The following DST variants were observed in gnomAD, a reference collection of about 807,000 sequenced individuals.
The protein encoded by DST is bullous pemphigoid antigen.
DST carries 253 observed loss-of-function variants against 875.2 expected under a neutral mutation model. The observed-to-expected ratio is 0.29, with a 90% CI of 0.26 to 0.32. DST has a LOEUF of 0.32. Among genes scored for constraint, DST ranks in the 10% least tolerant of loss-of-function variants. The pLI is 1.00. For synonymous variants in DST, 3,124 were observed against 3,197.1 expected (o/e 0.98, Z 0.77); for missense variants, 8,287 against 9,111.6 (o/e 0.91, Z 3.68).
chr6:56,807,927 AT>A (rs2099755109), intron 4 of DST, among the ~76,000 whole-genome samples: 1 of 152,176 alleles, frequency 6.6e-6, no homozygotes, highest in Admixed American at 6.5e-5. Context: ...CATAATTCCT[AT>A]TACTTCCAAT....
Position 56,592,307 on chromosome 6 carries a change from A to G in DST, c.12778T>C (p.Tyr4260His), listed in dbSNP as rs755791712. 7.5e-6 allele frequency: 12 copies of G among 1,608,994 alleles called. 1 individual carries two copies. The South Asian group carries it at 1.1e-4, about 15-fold the overall frequency. The part of the protein sequence containing the change: ...LKDLVDKYQH[Y>H]EDASCGLLAG... Reference sequence around the variant, plus strand: ...AGAAGTCCACATGAAGCATCTTCATAGTGTTGATATTTATCCACCAGATCT... The same window carrying G: ...AGAAGTCCACATGAAGCATCTTCATGGTGTTGATATTTATCCACCAGATCT... Residue 4260 changes from tyrosine to histidine, a missense_variant, in exon 49 of 104, where the codon TAT becomes CAT. Physicochemically the swap from Tyr to His is moderately conservative, Grantham distance 83. Around this residue, in one of 10 missense-constraint regions of DST, gnomAD observed 1,513 missense variants for 1,677.8 expected, o/e 0.90. Coordinates refer to ENST00000680361, the MANE Select transcript of DST (RefSeq NM_001374736.1).
intron 9 of DST, among the ~76,000 whole-genome samples, chr6:56,673,443 C>G (rs746979641): frequency 1.2e-4 from 18 of 152,066 alleles, no homozygotes; most frequent in Non-Finnish European, 2.1e-4. Context: ...GGACTGTTTT[C>G]TGCTAATTCC....
chr6:56,609,452 A>T (rs1044441480), intron 39 of DST, 108 bp from the exon 40 acceptor site: 1 of 796,990 alleles, frequency 1.3e-6, no homozygotes, highest in African/African-American at 1.7e-5. Context: ...CAACATAAAA[A>T]TCCTCTACTT....
At chr6:56,504,144 A>C (rs780723506) in intron 77 of DST, 46 bp from the exon 78 acceptor site, 1 of 1,270,820 alleles carries the variant, frequency 7.9e-7, no homozygotes, top group African/African-American at 1.5e-5. Flanking sequence ...GTACATTTGA[A>C]ATTGCTACAG....
chr6:56,482,204 C>T (rs756048026), intron 89 of DST, 26 bp from the exon 90 acceptor site: 2 of 1,589,430 alleles, frequency 1.3e-6, no homozygotes, highest in Middle Eastern at 1.7e-4. Flanking sequence ...CACACACACC[C>T]CAAACAAAAT....
At chr6:56,461,192 ACT>A (rs1198205739) in intron 102 of DST, 1 of 151,380 alleles carries the variant, frequency 6.6e-6, no homozygotes, top group African/African-American at 2.5e-5. Flanking sequence ...TACATGAGTT[ACT>A]CTTATTAATA....
intron 90 of DST, among the ~76,000 whole-genome samples, chr6:56,479,289 G>A (rs1424045985): frequency 6.6e-6 from 1 of 152,166 alleles, no homozygotes; most frequent in African/African-American, 2.4e-5. Flanking sequence ...AAATGATGTG[G>A]ATGCTGAGAA....
chr6:56,481,729 A>T (rs957701830), intron 90 of DST, among the ~76,000 whole-genome samples: 5 of 152,240 alleles, frequency 3.3e-5, no homozygotes, highest in African/African-American at 1.2e-4. Flanking sequence ...AATCCACATG[A>T]TAACTGCAAC....
In DST at chr6:56,619,610, GATTCTA is replaced by G. The variant is rs2098667270; in HGVS notation, c.4929+4914_4929+4919del. On this transcript the variant is annotated intron_variant, in intron 36 of 103. Transcript: ENST00000680361. ...TAGTTTCCCTTTTTCATGATTAAGA[GATTCTA>G]ATTCTAACTGATAATTGCGCTTTAT... 1.9e-6 allele frequency: 3 copies of G among 1,613,782 alleles called. No homozygotes were observed. In the African/African-American group the frequency reaches 4.0e-5, roughly 22 times the overall value.
intron 61 of DST, among the ~76,000 whole-genome samples, chr6:56,543,381 A>C (rs1375674477): frequency 1.3e-5 from 2 of 152,198 alleles, no homozygotes; most frequent in African/African-American, 4.8e-5. Context: ...AGGGGCTCTC[A>C]GCACTGCTGA....
chr6:56,848,520 A>G (rs1335256291), intron 4 of DST, among the ~76,000 whole-genome samples: 1 of 152,234 alleles, frequency 6.6e-6, no homozygotes, highest in Non-Finnish European at 1.5e-5. Flanking sequence ...GTATGTTTTC[A>G]TAGTATCTAC....
At chr6:56,844,827 A>T (rs1168774887) in intron 4 of DST, among the ~76,000 whole-genome samples, 1 of 150,256 alleles carries the variant, frequency 6.7e-6, no homozygotes, top group Non-Finnish European at 1.5e-5. Context: ...AGCCGAGATC[A>T]CGCCACCGTA....
In DST at chr6:56,594,268, A is replaced by C. The variant is rs563934753; in HGVS notation, c.12196-75T>G. On this transcript the variant is annotated intron_variant, in intron 47 of 103. Coordinates refer to ENST00000680361, the MANE Select transcript of DST (RefSeq NM_001374736.1). ...CCTGCAGGGAGCTCCTTGCCGCCTCAAGACTGACAGGTTTCAATGATCTAC... is the reference window on the plus strand; with the variant it reads ...CCTGCAGGGAGCTCCTTGCCGCCTCCAGACTGACAGGTTTCAATGATCTAC... The C allele has an allele frequency of 1.4e-5, 17 of 1,238,690 alleles. No homozygotes were observed. The South Asian group carries it at 2.5e-4, about 18-fold the overall frequency. The allele number at this position is 1,238,690 out of a possible 1,614,324, so 76.7% of individuals were successfully genotyped here.
In DST at chr6:56,604,935, A is replaced by G; in HGVS notation, c.9693T>C (p.Ser3231=). ...CATTAAGAGGTGAGTCTTTTTGGGT[A>G]CTAGTGGACTTCTCTTTTGTATTAT... is the stretch of plus-strand genomic sequence containing the variant. ...GVNNTKEKST[S]TQKDSPLNDM... is the part of the protein sequence containing the mutation. The change falls in exon 40 of 104, where the codon AGT becomes AGC. Residue 3231 remains serine, a synonymous_variant. Transcript: ENST00000680361. The G allele has an allele frequency of 6.2e-7, 1 of 1,612,704 alleles. No individual in the cohort carries two copies. Among genetic ancestry groups the G allele is most frequent in the Non-Finnish European group, 8.5e-7 (1 of 1,179,236 alleles).
intron 90 of DST, among the ~76,000 whole-genome samples, chr6:56,481,177 C>A (rs2095388028): frequency 6.6e-6 from 1 of 152,184 alleles, no homozygotes; most frequent in African/African-American, 2.4e-5. Context: ...AGTCTCCACA[C>A]ATGATGTAAT....
Position 56,578,808 on chromosome 6 carries a change from T to C in DST, c.13027+6A>G. 6.2e-7 allele frequency: 1 copy of C among 1,611,894 alleles called. No individual in the cohort carries two copies. Among genetic ancestry groups the C allele is most frequent in the Non-Finnish European group, 8.5e-7 (1 of 1,179,032 alleles). ...GAGACAGGAAGCAAGGACATGAATA[T>C]CTTACCAAGTGTTTTCTGGATATCA... On this transcript the variant is annotated splice_donor_region_variant and intron_variant, in intron 50 of 103. Transcript: ENST00000680361.
intron 52 of DST, 43 bp from the exon 53 acceptor site, chr6:56,572,309 A>G: frequency 7.2e-7 from 1 of 1,393,318 alleles, no homozygotes; most frequent in Non-Finnish European, 9.7e-7. Flanking sequence ...ATGTTGCTAG[A>G]TCTTCAAATG....
In DST at chr6:56,465,963, T is replaced by C. The variant is rs905953149; in HGVS notation, c.22687+115A>G. ...GGAACTTTAGGCTGACAGACCAATG[T>C]GAAACATTCACTATTGGAATAAATG... On this transcript the variant is annotated intron_variant, in intron 99 of 103. Transcript: ENST00000680361. The C allele has an allele frequency of 4.3e-6, 3 of 689,852 alleles. No individual in the cohort carries two copies. The African/African-American group carries it at 5.3e-5, about 12-fold the overall frequency. 42.7% of individuals were successfully genotyped at this position (689,852 alleles called of 1,614,324 possible). A position where few individuals can be genotyped will look rare whatever the true frequency, so the allele number is the denominator to read the frequency against.
chr6:56,768,523 A>T (rs1175200610), intron 4 of DST, among the ~76,000 whole-genome samples: 2 of 152,258 alleles, frequency 1.3e-5, no homozygotes, highest in Non-Finnish European at 2.9e-5. Flanking sequence ...CACAGACCTT[A>T]TACCTTTCAC....
Sources: allele counts gnomAD v4.1 joint callset (sites outside exome capture counted in the v4.1 genomes callset), GRCh38; gene constraint gnomAD v4.1.1; regional missense constraint gnomAD v4.1.1; transcripts MANE v1.5; gene names NCBI Gene and HGNC (gene_info 2026-07-23, HGNC 2026-07-21).